The following AKAP7 variants were observed in gnomAD, a reference collection of about 807,000 sequenced individuals.
The protein encoded by AKAP7 is A kinase (PRKA) anchor protein 7.
A neutral mutation model predicts 39.5 loss-of-function variants in AKAP7; 39 were observed. The observed-to-expected ratio is 0.99, with a 90% CI of 0.76 to 1.29. AKAP7 has a LOEUF of 1.29. Among genes scored for constraint, AKAP7 ranks in the 50% most tolerant of loss-of-function variants. The pLI is 0.00. For missense variants in AKAP7, 414 were observed against 407.7 expected, an observed-to-expected ratio of 1.02 and a Z score of -0.13; for synonymous variants, 140 against 139.1, an observed-to-expected ratio of 1.01 and a Z score of -0.05.
chr6:131,187,899 T>G (rs1278175649), intron 5 of AKAP7, among the ~76,000 whole-genome samples: 1 of 152,200 alleles, frequency 6.6e-6, no homozygotes, highest in African/African-American at 2.4e-5. Context: ...GATTTGCTGG[T>G]TGTTAGGATA....
chr6:131,139,634 TACTA>T (rs936730405), intron 1 of AKAP7, among the ~76,000 whole-genome samples: 9 of 151,860 alleles, frequency 5.9e-5, no homozygotes, highest in Admixed American at 3.3e-4. Flanking sequence ...ACTAGTGACT[TACTA>T]ACCACTCTCA....
intron 7 of AKAP7, among the ~76,000 whole-genome samples, chr6:131,276,922 C>T (rs1562260995): frequency 6.6e-6 from 1 of 152,066 alleles, no homozygotes; most frequent in Non-Finnish European, 1.5e-5. Context: ...GTTGGGTCAA[C>T]TCACACTTAA....
Position 131,241,627 on chromosome 6 carries a change from G to GTGTATATATATATA in AKAP7, c.850+21820_850+21821insGTATATATATATAT. 6.9e-5 allele frequency among the ~76,000 whole-genome samples: 6 copies of GTGTATATATATATA among 86,670 alleles called. 1 individual carries two copies. The highest frequency in any genetic ancestry group is 3.0e-4 in the African/African-American group (6 of 20,054). The allele number at this position is 86,670 out of a possible 152,430, so 56.9% of individuals were successfully genotyped here. A position where few individuals can be genotyped will look rare whatever the true frequency, so the allele number is the denominator to read the frequency against. On this transcript the variant is annotated intron_variant, in intron 7 of 7. Transcript: ENST00000431975. ...TGTGTGTGTGTGTGTGTGTGTGTGT[G>GTGTATATATATATA]TATATATATATGACAGTTATAGGAT...
At chr6:131,168,507 C>A (rs1363881359) in intron 4 of AKAP7, among the ~76,000 whole-genome samples, 1 of 152,082 alleles carries the variant, frequency 6.6e-6, no homozygotes, top group African/African-American at 2.4e-5. Context: ...GCACTTCTAA[C>A]ACATAGCAGG....
At chr6:131,190,037 A>G (rs577309898) in intron 5 of AKAP7, among the ~76,000 whole-genome samples, 55 of 152,322 alleles carry the variant, frequency 3.6e-4, no homozygotes, top group African/African-American at 1.3e-3. Context: ...TCATATTAGT[A>G]AAAACTTTTC....
intron 3 of AKAP7, among the ~76,000 whole-genome samples, chr6:131,163,419 A>G (rs1803182056): frequency 6.6e-6 from 1 of 152,218 alleles, no homozygotes; most frequent in South Asian, 2.1e-4. Flanking sequence ...TTGGGAAAAG[A>G]ATTAGCATTT....
intron 7 of AKAP7, among the ~76,000 whole-genome samples, chr6:131,273,940 CTTTTT>C (rs1161809027): frequency 1.5e-5 from 2 of 130,302 alleles, no homozygotes; most frequent in African/African-American, 2.8e-5. Flanking sequence ...GTTGCCTTTT[CTTTTT>C]TTTTTTTTTT....
At chr6:131,190,870 T>C (rs1294173467) in intron 5 of AKAP7, among the ~76,000 whole-genome samples, 1 of 152,106 alleles carries the variant, frequency 6.6e-6, no homozygotes, top group Non-Finnish European at 1.5e-5. Context: ...TGGGAAGTCC[T>C]TCTTCTTCTT....
At chr6:131,194,377 C>T (rs1029061293) in intron 5 of AKAP7, among the ~76,000 whole-genome samples, 2 of 151,992 alleles carry the variant, frequency 1.3e-5, no homozygotes, top group Non-Finnish European at 2.9e-5. Flanking sequence ...AGTTTTCTTC[C>T]ACTGTGGGCA....
intron 7 of AKAP7, chr6:131,253,140 C>A (rs1005529333): frequency 1.3e-6 from 2 of 1,582,808 alleles, no homozygotes; most frequent in Non-Finnish European, 8.7e-7. Context: ...TCTCCTGCTG[C>A]TATTTTATCC....
intron 7 of AKAP7, among the ~76,000 whole-genome samples, chr6:131,241,768 G>T (rs1379030629): frequency 6.6e-6 from 1 of 151,900 alleles, no homozygotes; most frequent in African/African-American, 2.4e-5. Context: ...GATATGTATT[G>T]TACAGAAAGG....
At chr6:131,134,840 G>A (rs191415525), upstream of AKAP7, among the ~76,000 whole-genome samples, 5 of 152,298 alleles carry the variant, frequency 3.3e-5, no homozygotes, top group Non-Finnish European at 4.4e-5. Context: ...TGCACCTAAT[G>A]TTCTTAACCC....
At chr6:131,249,733 A>G (rs564873167) in intron 7 of AKAP7, among the ~76,000 whole-genome samples, 15 of 152,318 alleles carry the variant, frequency 9.8e-5, no homozygotes, top group African/African-American at 3.1e-4. Context: ...AATTTGCTCA[A>G]TCACCTTGTG....
chr6:131,279,546 C>A (rs148632641), intron 7 of AKAP7, among the ~76,000 whole-genome samples: 1 of 152,124 alleles, frequency 6.6e-6, no homozygotes, highest in Admixed American at 6.5e-5. Flanking sequence ...GGATTACAGG[C>A]GTGAGCCACC....
intron 7 of AKAP7, among the ~76,000 whole-genome samples, chr6:131,266,921 T>G (rs1813848667): frequency 1.3e-5 from 2 of 152,174 alleles, no homozygotes; most frequent in Non-Finnish European, 2.9e-5. Context: ...ACAAGCAAGA[T>G]GTACTGACCA....
At chr6:131,166,411 T>C (rs766983891) in intron 4 of AKAP7, among the ~76,000 whole-genome samples, 4 of 152,240 alleles carry the variant, frequency 2.6e-5, no homozygotes, top group Admixed American at 6.5e-5. Context: ...ACAGCACCAA[T>C]AGGAGCGTAT....
At chr6:131,177,613 A>C (rs1230945193) in intron 5 of AKAP7, among the ~76,000 whole-genome samples, 2 of 152,192 alleles carry the variant, frequency 1.3e-5, no homozygotes, top group Non-Finnish European at 2.9e-5. Context: ...TTAGGAATCA[A>C]ATTTCAACAT....
At chr6:131,198,393 G>GT (rs1253328495) in intron 5 of AKAP7, among the ~76,000 whole-genome samples, 1 of 152,182 alleles carries the variant, frequency 6.6e-6, no homozygotes, top group East Asian at 1.9e-4. Context: ...GCATTGTGAA[G>GT]TTTACCTTGT....
At chr6:131,180,091 A>G (rs1262551033) in intron 5 of AKAP7, among the ~76,000 whole-genome samples, 1 of 152,172 alleles carries the variant, frequency 6.6e-6, no homozygotes, top group Non-Finnish European at 1.5e-5. Context: ...GTTTGGAGCA[A>G]CTATAACCTT....
Sources: gnomAD v4.1 joint callset for allele counts (sites outside exome capture counted in the v4.1 genomes callset) on GRCh38, gnomAD v4.1.1 for gene constraint, MANE v1.5 for transcripts, NCBI Gene and HGNC (gene_info 2026-07-23, HGNC 2026-07-21) for gene names.